Variants in CMKLR2 observed in about 807,000 individuals in gnomAD.
CMKLR2 encodes chemerin chemokine-like receptor 2.
In CMKLR2, 18 loss-of-function variants were observed where a neutral mutation model predicts 23.0. The ratio of observed to expected loss-of-function variants is 0.78; its 90% CI spans 0.54 to 1.16. CMKLR2 has a LOEUF of 1.16. Among genes scored for constraint, CMKLR2 ranks in the 50% most tolerant of loss-of-function variants. The pLI is 0.00. For synonymous variants in CMKLR2, 158 were observed against 158.9 expected, an observed-to-expected ratio of 0.99 and a Z score of 0.05; for missense variants, 401 against 412.7, an observed-to-expected ratio of 0.97 and a Z score of 0.25.
chr2:206,194,699 G>C (rs897127874), intron 1 of CMKLR2, among the ~76,000 whole-genome samples: 2 of 146,956 alleles, frequency 1.4e-5, no homozygotes, highest in Non-Finnish European at 1.5e-5. Context: ...GGCTCCCAAA[G>C]TGTTGGGATT....
At chr2:206,192,876 T>C (rs1351443192) in intron 1 of CMKLR2, among the ~76,000 whole-genome samples, 1 of 152,314 alleles carries the variant, frequency 6.6e-6, no homozygotes, top group East Asian at 1.9e-4. Context: ...TAAAATAGTA[T>C]AGTATTTGCA....
chr2:206,182,853 C>T (rs1191688765), intron 1 of CMKLR2, among the ~76,000 whole-genome samples: 1 of 152,054 alleles, frequency 6.6e-6, no homozygotes, highest in Non-Finnish European at 1.5e-5. Flanking sequence ...CTCCTGACCT[C>T]GTGATCCACC....
chr2:206,191,674 T>C (rs1337178874), intron 1 of CMKLR2, among the ~76,000 whole-genome samples: 2 of 150,288 alleles, frequency 1.3e-5, no homozygotes, highest in Admixed American at 1.3e-4. Context: ...TCTTTCTTTT[T>C]TTTTTTTTTT....
At chr2:206,210,074 G>T (rs1319481978) in intron 1 of CMKLR2, among the ~76,000 whole-genome samples, 3 of 146,166 alleles carry the variant, frequency 2.1e-5, no homozygotes, top group Admixed American at 1.4e-4. Context: ...AGCAATTCTC[G>T]TGCCTCAGCC....
intron 1 of CMKLR2, among the ~76,000 whole-genome samples, chr2:206,199,500 G>T (rs1017170869): frequency 6.6e-6 from 1 of 151,972 alleles, no homozygotes; most frequent in Non-Finnish European, 1.5e-5. Context: ...GAAGGGAAAA[G>T]ATCCTGGTTC....
At chr2:206,217,345 A>T (rs1215443167), upstream of CMKLR2, 1 of 152,188 alleles carries the variant, frequency 6.6e-6, no homozygotes, top group African/African-American at 2.4e-5. Context: ...CTTTTTCCAG[A>T]GACTGAAATG....
intron 1 of CMKLR2, among the ~76,000 whole-genome samples, chr2:206,190,231 G>A (rs1255795472): frequency 6.6e-6 from 1 of 152,192 alleles, no homozygotes; most frequent in Non-Finnish European, 1.5e-5. Context: ...AAGAATGAAA[G>A]TATTCTGATT....
intron 1 of CMKLR2, among the ~76,000 whole-genome samples, chr2:206,209,065 C>T (rs1218649625): frequency 1.3e-5 from 2 of 152,110 alleles, no homozygotes; most frequent in African/African-American, 4.8e-5. Flanking sequence ...CAGCCAGGCT[C>T]GGTGACTCAC....
intron 1 of CMKLR2, among the ~76,000 whole-genome samples, chr2:206,211,253 G>T (rs527943365): frequency 1.3e-5 from 2 of 152,172 alleles, no homozygotes; most frequent in East Asian, 1.9e-4. Context: ...GTTGAATATT[G>T]GTCTCCACTG....
intron 1 of CMKLR2, among the ~76,000 whole-genome samples, chr2:206,189,640 A>G (rs1275148268): frequency 7.0e-6 from 1 of 143,604 alleles, no homozygotes; most frequent in Non-Finnish European, 1.5e-5. Context: ...ATCTAAAAAG[A>G]AAAAAAAAAA....
intron 1 of CMKLR2, 52 bp from the exon 2 acceptor site, chr2:206,177,327 G>C: frequency 3.8e-6 from 3 of 791,872 alleles, no homozygotes; most frequent in Non-Finnish European, 6.0e-6. Context: ...AAAAATAAAA[G>C]TTCAGTGAAT....
chr2:206,208,498 C>T (rs1689422273), intron 1 of CMKLR2, among the ~76,000 whole-genome samples: 1 of 152,068 alleles, frequency 6.6e-6, no homozygotes, highest in Non-Finnish European at 1.5e-5. Flanking sequence ...AGTACTACTG[C>T]ACTCCAGCCT....
intron 1 of CMKLR2, among the ~76,000 whole-genome samples, chr2:206,210,962 A>G (rs1343720885): frequency 6.6e-6 from 1 of 152,172 alleles, no homozygotes; most frequent in Non-Finnish European, 1.5e-5. Flanking sequence ...TCAATGATTT[A>G]ACGTCAATTC....
At chr2:206,198,456 CCTAA>C (rs776038928) in intron 1 of CMKLR2, among the ~76,000 whole-genome samples, 40 of 152,134 alleles carry the variant, frequency 2.6e-4, no homozygotes, top group Non-Finnish European at 5.1e-4. Context: ...CCTGGTGTTT[CCTAA>C]CTGAGAAGCT....
At chr2:206,188,613 C>A (rs1415295046) in intron 1 of CMKLR2, among the ~76,000 whole-genome samples, 1 of 152,118 alleles carries the variant, frequency 6.6e-6, no homozygotes, top group African/African-American at 2.4e-5. Context: ...AAGCAAAGTT[C>A]AGAGAACCTC....
chr2:206,196,252 G>A (rs1576055221), intron 1 of CMKLR2, among the ~76,000 whole-genome samples: 1 of 152,104 alleles, frequency 6.6e-6, no homozygotes, highest in East Asian at 1.9e-4. Flanking sequence ...GCACACGCCT[G>A]TAATCCGAGC....
intron 1 of CMKLR2, among the ~76,000 whole-genome samples, chr2:206,185,778 G>T (rs1688558524): frequency 6.6e-6 from 1 of 152,070 alleles, no homozygotes; most frequent in Admixed American, 6.6e-5. Context: ...TTAGATTCTA[G>T]GTATATTTTG....
At chr2:206,177,571 G>C (rs1559082191) in intron 1 of CMKLR2, among the ~76,000 whole-genome samples, 1 of 152,050 alleles carries the variant, frequency 6.6e-6, no homozygotes, top group Non-Finnish European at 1.5e-5. Context: ...ATTTTTTGTA[G>C]AGATGAGGTC....
At chr2:206,205,161 C>T (rs1051600437) in intron 1 of CMKLR2, among the ~76,000 whole-genome samples, 6 of 152,146 alleles carry the variant, frequency 3.9e-5, no homozygotes, top group African/African-American at 1.4e-4. Context: ...TAGTAAAGAG[C>T]ATCCAGTGAT....
Sources: allele counts gnomAD v4.1 joint callset (sites outside exome capture counted in the v4.1 genomes callset), GRCh38; gene constraint gnomAD v4.1.1; transcripts MANE v1.5; gene names NCBI Gene and HGNC (gene_info 2026-07-23, HGNC 2026-07-21).